The following RYR1 variants were observed in gnomAD, a reference collection of about 807,000 sequenced individuals.
RYR1 encodes central core disease of muscle.
Under a neutral mutation model 583.5 loss-of-function variants are expected in RYR1, and 342 were observed. That is an observed-to-expected ratio of 0.59 (90% CI 0.54 to 0.64). The LOEUF is 0.64. Ranked by LOEUF, RYR1 falls within the 30% of genes least tolerant of loss-of-function variation. RYR1 has a pLI of 0.00. For missense variants in RYR1, 6,032 were observed against 6,917.2 expected (o/e 0.87, Z 4.54); for synonymous variants, 2,791 against 2,822.5 (o/e 0.99, Z 0.35).
Position 38,532,695 on chromosome 19 carries a change from G to C in RYR1, c.11218G>C (p.Glu3740Gln), listed in dbSNP as rs745316530. ...AKSCHLEEGG[E>Q]NGEAEEEVEV... The stretch of plus-strand genomic sequence containing the variant: ...GAGCTGCCACCTGGAGGAGGGAGGG[G>C]AGAACGGTGAAGCTGAAGAGGAGGT... Residue 3740 changes from glutamate (E) to glutamine (Q), a missense_variant, in exon 78 of 106, where the codon GAG becomes CAG. By Grantham distance (29) the Glu-to-Gln change is conservative. This residue lies in a region of RYR1 where 1,493 missense variants were observed against 1,715.5 expected (regional missense o/e 0.87). Transcript: ENST00000359596. 6.2e-7 allele frequency: 1 copy of C among 1,614,136 alleles called. No homozygotes were observed. The highest frequency in any genetic ancestry group is 1.7e-5 in the Admixed American group (1 of 60,016).
rs748082431 is a variant in RYR1, at chr19:38,527,726, C to G, written c.10766C>G (p.Pro3589Arg). 6.8e-6 allele frequency: 11 copies of G among 1,614,116 alleles called. No homozygotes were observed. The highest frequency in any genetic ancestry group is 9.3e-6 in the Non-Finnish European group (11 of 1,180,024). ...GGTCGCGAGGAGGACGCCGATGACC[C>G]CGAGAAAATCGTGCGCAGAGTCCAG... ...VPGREEDADD[P>R]EKIVRRVQEV... The change falls in exon 73 of 106, where the codon CCC becomes CGC. Residue 3589 changes from proline to arginine, a missense_variant. By Grantham distance (103) the Pro-to-Arg change is moderately radical. This residue lies in a region of RYR1 where 1,493 missense variants were observed against 1,715.5 expected (regional missense o/e 0.87). Transcript: ENST00000359596.
At chr19:38,507,040 C>T in intron 57 of RYR1, 88 bp downstream of exon 57, 1 of 1,582,030 alleles carries the variant, frequency 6.3e-7, no homozygotes, top group Non-Finnish European at 8.6e-7. Flanking sequence ...AGGGGTGGAG[C>T]CGAGAGGAAC....
At chr19:38,440,929 C>G in intron 2 of RYR1, 65 bp downstream of exon 2, 1 of 1,519,620 alleles carries the variant, frequency 6.6e-7, no homozygotes. Flanking sequence ...ATCTTGGGTC[C>G]AAAGAAGAGG....
intron 47 of RYR1, among the ~76,000 whole-genome samples, chr19:38,502,019 T>C (rs143693807): frequency 1.9e-4 from 28 of 149,502 alleles, no homozygotes; most frequent in Middle Eastern, 3.5e-3. Flanking sequence ...TAGCCAGGCA[T>C]GGAGGTGCGT....
rs755782980 is a variant in RYR1 at position 38,481,723 on chromosome 19, T to C, written c.4621-1304T>C. Among the ~76,000 whole-genome samples the C allele has an allele frequency of 8.2e-4, 124 of 151,926 alleles. 2 individuals carry two copies. The highest frequency in any genetic ancestry group is 6.8e-3 in the Middle Eastern group (2 of 294). On this transcript the variant is annotated intron_variant, in intron 31 of 105. Transcript: ENST00000359596. ...ATCACCTGAGTCTGGGAGGCAGAGG[T>C]TGTAGTGAGCTATGATAGCGCCACT...
At chr19:38,436,635 T>A (rs1473112095) in intron 1 of RYR1, among the ~76,000 whole-genome samples, 1 of 152,220 alleles carries the variant, frequency 6.6e-6, no homozygotes, top group African/African-American at 2.4e-5. Flanking sequence ...TCAGTTCACC[T>A]GCTGATGGAC....
intron 20 of RYR1, 98 bp from the exon 21 acceptor site, chr19:38,463,325 G>A: frequency 1.0e-6 from 1 of 989,836 alleles, no homozygotes; most frequent in Non-Finnish European, 1.6e-6. Context: ...GGGTGCTGGA[G>A]GAGCCTCCCA....
chr19:38,565,704 TG>T lies in RYR1; in HGVS notation c.13375del (p.Asp4459ThrfsTer92). The T allele has an allele frequency of 7.0e-7, 1 of 1,420,172 alleles. No individual in the cohort carries two copies. Among genetic ancestry groups the T allele is most frequent in the Non-Finnish European group, 9.1e-7 (1 of 1,095,382 alleles). The allele number at this position is 1,420,172 out of a possible 1,614,324, so 88.0% of individuals were successfully genotyped here. A position where few individuals can be genotyped will look rare whatever the true frequency, so the allele number is the denominator to read the frequency against. The stretch of plus-strand genomic sequence containing the variant: ...GAAGGGGCTGGCGGTCTCGGGGACA[TG>T]GGGGACACGACGCCTGCGGAACCGC... ...RPEGAGGLGD[M>X]GDTTPAEPPT... On this transcript the variant is annotated frameshift_variant, in exon 91 of 106. Coordinates refer to ENST00000359596, the MANE Select transcript of RYR1 (RefSeq NM_000540.3). LOFTEE classifies it high-confidence loss of function. The surrounding 1 kb of genome is among the most constrained non-coding windows in gnomAD (Gnocchi z 4.7).
rs1974475753 is a variant in RYR1 at position 38,586,125 on chromosome 19, A to G, written c.14903A>G (p.Tyr4968Cys). 6.2e-7 allele frequency: 1 copy of G among 1,614,144 alleles called. No individual in the cohort carries two copies. Among genetic ancestry groups the G allele is most frequent in the South Asian group, 1.1e-5 (1 of 91,072 alleles). ...TTCATCTGTGGAATCGGCAGTGACT[A>G]CTTTGATACGACACCGCATGGCTTC... ...KCFICGIGSD[Y>C]FDTTPHGFET... Residue 4968 changes from tyrosine (Y) to cysteine (C), a missense_variant, in exon 104 of 106, where the codon TAC becomes TGC. By Grantham distance (194) the Tyr-to-Cys change is radical. This residue lies in a region of RYR1 where 189 missense variants were observed against 350.3 expected (regional missense o/e 0.54). Coordinates refer to ENST00000359596, the MANE Select transcript of RYR1 (RefSeq NM_000540.3).
chr19:38,464,743 C>G (rs1374401309), intron 23 of RYR1, 21 bp downstream of exon 23: 2 of 1,559,224 alleles, frequency 1.3e-6, no homozygotes, highest in Non-Finnish European at 1.7e-6. Context: ...GCAGCCAGGT[C>G]CCGTCTGGGG....
chr19:38,475,269 G>A, intron 28 of RYR1, 49 bp from the exon 29 acceptor site: 2 of 1,550,574 alleles, frequency 1.3e-6, no homozygotes, highest in Non-Finnish European at 1.7e-6. Flanking sequence ...GCGGTGGGAG[G>A]GCTGGGCTTG....
chr19:38,531,283 G>A (rs1971729798), intron 76 of RYR1, among the ~76,000 whole-genome samples: 2 of 151,932 alleles, frequency 1.3e-5, no homozygotes, highest in South Asian at 2.1e-4. Flanking sequence ...CTGGAGTTTG[G>A]CCATCCAAGT....
At position 38,444,544 on chromosome 19, in the gene RYR1, C is replaced by T. The variant is rs201191586; in HGVS notation, c.538-40C>T. On this transcript the variant is annotated intron_variant, in intron 6 of 105. Transcript: ENST00000359596. The surrounding 1 kb of genome is among the most constrained non-coding windows in gnomAD (Gnocchi z 5.1). ...CTGACGCTGGGACTCTCGCCCACCC[C>T]TGCAATCGTCTCTGACTGCCGCATC... is the stretch of plus-strand genomic sequence containing the variant. The T allele has an allele frequency of 9.4e-4, 1,488 of 1,579,172 alleles. 6 individuals are homozygous for T. The highest frequency in any genetic ancestry group is 5.1e-3 in the Middle Eastern group (27 of 5,268).
chr19:38,565,526 G>C lies in RYR1; in HGVS notation c.13192G>C (p.Gly4398Arg). 3 of 1,502,836 alleles carry C rather than the reference G, an allele frequency of 2.0e-6. No individual in the cohort carries two copies. Among genetic ancestry groups the C allele is most frequent in the South Asian group, 2.5e-5 (2 of 80,626 alleles). 93.1% of individuals were successfully genotyped at this position (1,502,836 alleles called of 1,614,324 possible). ...CGAGGTGCACGGCGAGCAGCCGGCC[G>C]GGCCGGGCGGAGACGCAGACGGCGA... ...SDEVHGEQPAGPGGDADGEGA... is the reference protein window; with the variant it reads ...SDEVHGEQPARPGGDADGEGA... The change falls in exon 91 of 106, where the codon GGG becomes CGG. Residue 4398 changes from glycine to arginine, a missense_variant. This residue lies in a region of RYR1 where 753 missense variants were observed against 759.6 expected (regional missense o/e 0.99). Transcript: ENST00000359596. This position sits in a 1 kb window ranked among gnomAD's most constrained non-coding sequence, Gnocchi z 4.7.
rs750369681 is a variant in RYR1 at position 38,473,716 on chromosome 19, C to T, written c.4105C>T (p.Pro1369Ser). The change falls in exon 28 of 106, where the codon CCC becomes TCC. Residue 1369 changes from proline to serine, a missense_variant. Transcript: ENST00000359596. ...CCCGCAGGCGGGGGGAGAGGCGCAGCCCGCCAGGGCGGAGAATGAGAAGGA... is the reference window on the plus strand; with the variant it reads ...CCCGCAGGCGGGGGGAGAGGCGCAGTCCGCCAGGGCGGAGAATGAGAAGGA... ...GTPQAGGEAQPARAENEKDAT... is the reference protein window; with the variant it reads ...GTPQAGGEAQSARAENEKDAT... 7 of 1,547,872 alleles carry T rather than the reference C, an allele frequency of 4.5e-6. No individual in the cohort carries two copies. Among genetic ancestry groups the T allele is most frequent in the Non-Finnish European group, 6.1e-6 (7 of 1,145,910 alleles).
At chr19:38,456,529 A>G (rs1235970217) in intron 16 of RYR1, among the ~76,000 whole-genome samples, 7 of 151,146 alleles carry the variant, frequency 4.6e-5, no homozygotes, top group African/African-American at 1.7e-4. Context: ...TGATCCACCC[A>G]CTTTGGCCTC....
intron 37 of RYR1, among the ~76,000 whole-genome samples, chr19:38,491,797 CACTG>C (rs1969562534): frequency 6.6e-6 from 1 of 152,152 alleles, no homozygotes; most frequent in Non-Finnish European, 1.5e-5. Flanking sequence ...TCTTCAAGTT[CACTG>C]ACTGTTTCTC....
chr19:38,584,693 G>A (rs547852606), intron 101 of RYR1, among the ~76,000 whole-genome samples: 2 of 129,344 alleles, frequency 1.5e-5, no homozygotes, highest in East Asian at 4.5e-4. Flanking sequence ...CCCCATCCTG[G>A]CCCTGACCCC....
At position 38,565,714 on chromosome 19, in the gene RYR1, G is replaced by A. The variant is rs1973387240; in HGVS notation, c.13380G>A (p.Thr4460=). 3 of 1,427,976 alleles carry A rather than the reference G, an allele frequency of 2.1e-6. No homozygotes were observed. The highest frequency in any genetic ancestry group is 2.9e-5 in the East Asian group (1 of 34,070). 88.5% of individuals were successfully genotyped at this position (1,427,976 alleles called of 1,614,324 possible). The change falls in exon 91 of 106, where the codon ACG becomes ACA. Residue 4460 remains threonine (T), a synonymous_variant. Transcript: ENST00000359596. The surrounding 1 kb of genome is among the most constrained non-coding windows in gnomAD (Gnocchi z 4.7). Reference sequence around the variant, plus strand: ...GCGGTCTCGGGGACATGGGGGACACGACGCCTGCGGAACCGCCCACACCCG... The same window carrying A: ...GCGGTCTCGGGGACATGGGGGACACAACGCCTGCGGAACCGCCCACACCCG... The part of the protein sequence containing the change: ...GAGGLGDMGD[T]TPAEPPTPEG...
Sources: allele counts gnomAD v4.1 joint callset (sites outside exome capture counted in the v4.1 genomes callset), GRCh38; gene constraint gnomAD v4.1.1; regional missense constraint gnomAD v4.1.1; non-coding constraint Gnocchi (gnomAD v3.1); transcripts MANE v1.5; gene names NCBI Gene and HGNC (gene_info 2026-07-23, HGNC 2026-07-21).